The following MUCL1 variants were observed in gnomAD, a reference collection of about 807,000 sequenced individuals.
MUCL1 encodes the protein mucin-like protein 1.
A neutral mutation model predicts 9.2 loss-of-function variants in MUCL1; 11 were observed. The observed-to-expected ratio is 1.19, with a 90% CI of 0.75 to 1.97. The LOEUF (loss-of-function observed/expected upper bound fraction) is 1.97. Ranked by LOEUF, MUCL1 falls within the 30% of genes most tolerant of loss-of-function variation. MUCL1 has a pLI of 0.00. For synonymous variants in MUCL1, 48 were observed against 40.5 expected, an observed-to-expected ratio of 1.19 and a Z score of -0.71; for missense variants, 144 against 110.9, an observed-to-expected ratio of 1.30 and a Z score of -1.34.
Position 54,858,333 on chromosome 12 carries a change from C to G in MUCL1, c.*91C>G. On this transcript the variant is annotated 3_prime_UTR_variant, in exon 4 of 4. Transcript: ENST00000308796. ...ACTACTTACCTTGCCTACGATATCC[C>G]CTTTATCTCTAATCAGTTTATTTTC... 1 of 1,404,072 alleles carries G rather than the reference C, an allele frequency of 7.1e-7. No homozygotes were observed. Among genetic ancestry groups the G allele is most frequent in the Non-Finnish European group, 1.0e-6 (1 of 993,544 alleles). The allele number at this position is 1,404,072 out of a possible 1,614,324, so 87.0% of individuals were successfully genotyped here.
rs141070209 is a variant in MUCL1, at chr12:54,855,150, T to C, written c.93T>C (p.Tyr31=). 72 of 1,613,210 alleles carry C rather than the reference T, an allele frequency of 4.5e-5. No homozygotes were observed. Among genetic ancestry groups the C allele is most frequent in the Non-Finnish European group, 2.5e-5 (30 of 1,179,554 alleles). ...NPTTAAPADT[Y]PATGPADDEA... is the part of the protein sequence containing the mutation. ...CAACAGCTGCTCCAGCTGACACGTA[T>C]CCAGCTAGTGAGTCTGCACTTGAAT... Residue 31 remains tyrosine, a synonymous_variant, in exon 2 of 4, where the codon TAT becomes TAC. Coordinates refer to ENST00000308796, the MANE Select transcript of MUCL1 (RefSeq NM_058173.3).
At chr12:54,855,032 G>A in intron 1 of MUCL1, 84 bp from the exon 2 acceptor site, 1 of 1,167,968 alleles carries the variant, frequency 8.6e-7, no homozygotes, top group South Asian at 1.3e-5. Flanking sequence ...TGTAAAGTCT[G>A]GAATATTGTC....
rs1464228212 is a variant in MUCL1, at chr12:54,856,789, A to G, written c.120A>G (p.Glu40=). 1 of 1,612,936 alleles carries G rather than the reference A, an allele frequency of 6.2e-7. No individual in the cohort carries two copies. The highest frequency in any genetic ancestry group is 1.1e-5 in the South Asian group (1 of 91,050). The change falls in exon 3 of 4, where the codon GAA becomes GAG. Residue 40 remains glutamate, a synonymous_variant. Transcript: ENST00000308796. ...TTTCAGCTGGTCCTGCTGATGATGA[A>G]GCCCCTGATGCTGAAACCACTGCTG... ...TYPATGPADD[E]APDAETTAAA...
chr12:54,858,325 C>A lies in MUCL1; in HGVS notation c.*83C>A, dbSNP rs1041266979. ...TTCATCCAACTACTTACCTTGCCTA[C>A]GATATCCCCTTTATCTCTAATCAGT... is the stretch of plus-strand genomic sequence containing the variant. On this transcript the variant is annotated 3_prime_UTR_variant, in exon 4 of 4. Transcript: ENST00000308796. 8 of 1,465,666 alleles carry A rather than the reference C, an allele frequency of 5.5e-6. No homozygotes were observed. The highest frequency in any genetic ancestry group is 2.8e-5 in the African/African-American group (2 of 71,978). 90.8% of individuals were successfully genotyped at this position (1,465,666 alleles called of 1,614,324 possible).
At chr12:54,855,788 G>A (rs956930200) in intron 2 of MUCL1, among the ~76,000 whole-genome samples, 1 of 152,198 alleles carries the variant, frequency 6.6e-6, no homozygotes, top group African/African-American at 2.4e-5. Flanking sequence ...CACAAGTTAA[G>A]GGGGTCTGTC....
At chr12:54,844,925 A>C (rs1184499790) in intron 1 of MUCL1, among the ~76,000 whole-genome samples, 1 of 152,242 alleles carries the variant, frequency 6.6e-6, no homozygotes, top group East Asian at 1.9e-4. Flanking sequence ...ATAGACTCAC[A>C]GACACTGTGG....
upstream of MUCL1, among the ~76,000 whole-genome samples, chr12:54,851,260 C>A (rs11609225): frequency 6.6e-6 from 1 of 152,048 alleles, no homozygotes. Flanking sequence ...ATGGTATTGC[C>A]TAGGTTTTCT....
At chr12:54,834,581 C>G (rs1461995555), upstream of MUCL1, among the ~76,000 whole-genome samples, 1 of 151,952 alleles carries the variant, frequency 6.6e-6, no homozygotes, top group Non-Finnish European at 1.5e-5. Flanking sequence ...GCATAACATT[C>G]TCTTTACATA....
upstream of MUCL1, among the ~76,000 whole-genome samples, chr12:54,835,333 C>T (rs2124053): frequency 0.52 from 79,462 of 151,890 alleles, 21,241 homozygotes; most frequent in East Asian, 0.86. Flanking sequence ...ACTCTCCATA[C>T]TGTTTTCCAT....
chr12:54,846,266 A>G (rs992099186), intron 1 of MUCL1, among the ~76,000 whole-genome samples: 3 of 152,078 alleles, frequency 2.0e-5, no homozygotes, highest in Non-Finnish European at 2.9e-5. Flanking sequence ...AGTCACAGAC[A>G]CCCATCCCTA....
intron 1 of MUCL1, among the ~76,000 whole-genome samples, chr12:54,842,025 A>G (rs1959214952): frequency 6.6e-6 from 1 of 152,132 alleles, no homozygotes; most frequent in African/African-American, 2.4e-5. Context: ...TTTGAATTTT[A>G]ATATAGAAAA....
At chr12:54,833,802 C>T (rs1959188660) in intron 1 of MUCL1, among the ~76,000 whole-genome samples, 1 of 137,640 alleles carries the variant, frequency 7.3e-6, no homozygotes. Flanking sequence ...AGGGGAACAT[C>T]ACACTCTGGG....
intron 1 of MUCL1, among the ~76,000 whole-genome samples, chr12:54,844,583 C>T (rs577068546): frequency 1.1e-4 from 17 of 152,288 alleles, no homozygotes; most frequent in Middle Eastern, 6.8e-3. Flanking sequence ...AGGAAATCTC[C>T]TTAACTAGAT....
rs772226522 is a variant in MUCL1 at position 54,858,178 on chromosome 12, T to C, written c.224-15T>C. 2 of 1,613,302 alleles carry C rather than the reference T, an allele frequency of 1.2e-6. No individual in the cohort carries two copies. The highest frequency in any genetic ancestry group is 4.5e-5 in the East Asian group (2 of 44,854). On this transcript the variant is annotated splice_polypyrimidine_tract_variant and intron_variant, in intron 3 of 3. Coordinates refer to ENST00000308796, the MANE Select transcript of MUCL1 (RefSeq NM_058173.3). ...CTTTGTCGAAGCCCCTTGACAATAT[T>C]TTTTTCTCTTGCAGTTTTACCCAAA...
chr12:54,854,616 G>A lies in MUCL1; in HGVS notation c.34G>A (p.Val12Ile), dbSNP rs1406134133. The change falls in exon 1 of 4, where the codon GTT becomes ATT. Residue 12 changes from valine to isoleucine, a missense_variant. Coordinates refer to ENST00000308796, the MANE Select transcript of MUCL1 (RefSeq NM_058173.3). ...CTTAGCAGTCCTGGTACTCTTGGGA[G>A]TTTCCATCTTTCTGGTCTCTGCCCG... ...KFLAVLVLLG[V>I]SIFLVSAQNP... The A allele has an allele frequency of 6.2e-7, 1 of 1,613,466 alleles. No individual in the cohort carries two copies. Among genetic ancestry groups the A allele is most frequent in the Non-Finnish European group, 8.5e-7 (1 of 1,179,614 alleles).
chr12:54,836,430 G>T (rs1959193161), upstream of MUCL1, among the ~76,000 whole-genome samples: 1 of 151,990 alleles, frequency 6.6e-6, no homozygotes, highest in Non-Finnish European at 1.5e-5. Flanking sequence ...TGTGTTATTG[G>T]TTGTAATGTC....
At chr12:54,854,077 A>G (rs781173981), upstream of MUCL1, among the ~76,000 whole-genome samples, 9 of 152,100 alleles carry the variant, frequency 5.9e-5, no homozygotes, top group Admixed American at 3.9e-4. Flanking sequence ...CCTGAGTTAC[A>G]CCGGATGGTC....
At chr12:54,835,608 T>G (rs1019556471), upstream of MUCL1, among the ~76,000 whole-genome samples, 1 of 74 alleles carries the variant, frequency 0.014, no homozygotes, top group African/African-American at 0.033. Flanking sequence ...ATGGGATTGT[T>G]TTTTTTTTTT....
At chr12:54,837,860 A>G (rs894016299), upstream of MUCL1, among the ~76,000 whole-genome samples, 2 of 152,266 alleles carry the variant, frequency 1.3e-5, no homozygotes, top group Non-Finnish European at 2.9e-5. Flanking sequence ...TGATTTTTTA[A>G]TACGTTCTGC....
Sources: gnomAD v4.1 joint callset for allele counts (sites outside exome capture counted in the v4.1 genomes callset) on GRCh38, gnomAD v4.1.1 for gene constraint, MANE v1.5 for transcripts, NCBI Gene and HGNC (gene_info 2026-07-23, HGNC 2026-07-21) for gene names.